NUMB: variants seen among roughly 807,000 people sequenced by gnomAD.
NUMB encodes NUMB endocytic adaptor protein, also known as protein numb homolog.
NUMB carries 29 observed loss-of-function variants against 59.7 expected under a neutral mutation model. The ratio of observed to expected loss-of-function variants is 0.49; its 90% CI spans 0.36 to 0.66. The LOEUF (loss-of-function observed/expected upper bound fraction) is 0.66. Ranked by LOEUF, NUMB falls within the 30% of genes least tolerant of loss-of-function variation. The pLI is 0.00. For missense variants in NUMB, 723 were observed against 822.0 expected (o/e 0.88, Z 1.47); for synonymous variants, 288 against 288.2 (o/e 1.00, Z 0.01).
chr14:73,415,049 C>G (rs1341091775), intron 1 of NUMB, among the ~76,000 whole-genome samples: 2 of 152,178 alleles, frequency 1.3e-5, no homozygotes, highest in Non-Finnish European at 2.9e-5. Flanking sequence ...ACACAAAACA[C>G]AGAATAAGAA....
intron 2 of NUMB, among the ~76,000 whole-genome samples, chr14:73,392,013 TTCCCCA>T (rs761597621): frequency 1.3e-5 from 2 of 152,184 alleles, no homozygotes; most frequent in Non-Finnish European, 2.9e-5. Flanking sequence ...GTCCAAAATC[TTCCCCA>T]GGGTTTTTTG....
chr14:73,427,179 CT>C (rs1897619244), intron 1 of NUMB, among the ~76,000 whole-genome samples: 1 of 152,104 alleles, frequency 6.6e-6, no homozygotes, highest in African/African-American at 2.4e-5. Flanking sequence ...CCAGACACAG[CT>C]TCAAAAACAA....
rs368692985 is a variant in NUMB, at chr14:73,391,689, T to C, written c.-101+18248A>G. On this transcript the variant is annotated intron_variant, in intron 2 of 12. Coordinates refer to ENST00000555238, the MANE Select transcript of NUMB (RefSeq NM_001005743.2). The stretch of plus-strand genomic sequence containing the variant: ...GTAGGTCTGGGATGAGGCCCCAGCA[T>C]TTGCATTACTAACAAGCCCCTAGAT... Among the ~76,000 whole-genome samples, 17 of 152,280 alleles carry C rather than the reference T, an allele frequency of 1.1e-4. No homozygotes were observed. In the South Asian group the frequency reaches 1.9e-3, roughly 17 times the overall value.
At chr14:73,329,467 TTC>T (rs1017306086) in intron 4 of NUMB, among the ~76,000 whole-genome samples, 2 of 152,164 alleles carry the variant, frequency 1.3e-5, no homozygotes, top group African/African-American at 4.8e-5. Context: ...CTCAGTCCTC[TTC>T]TCTCTCTCTT....
intron 8 of NUMB, among the ~76,000 whole-genome samples, chr14:73,290,586 ACTT>A (rs1889324380): frequency 1.3e-5 from 2 of 152,228 alleles, no homozygotes. Flanking sequence ...CATGGCCACT[ACTT>A]ATCTTCCAGA....
At chr14:73,356,812 T>C (rs1331925249) in intron 3 of NUMB, among the ~76,000 whole-genome samples, 1 of 152,006 alleles carries the variant, frequency 6.6e-6, no homozygotes, top group Non-Finnish European at 1.5e-5. Context: ...CCCATCTCAG[T>C]CTCCCAAGTA....
chr14:73,345,559 G>T (rs1459938786), intron 4 of NUMB, among the ~76,000 whole-genome samples: 1 of 152,126 alleles, frequency 6.6e-6, no homozygotes, highest in Non-Finnish European at 1.5e-5. Context: ...AGGATCCCAA[G>T]GAGTTTTTTG....
At chr14:73,293,031 T>A (rs967305807) in intron 7 of NUMB, among the ~76,000 whole-genome samples, 157 bp from the exon 8 acceptor site, 2 of 152,214 alleles carry the variant, frequency 1.3e-5, no homozygotes, top group African/African-American at 4.8e-5. Flanking sequence ...ATACTGAGAA[T>A]TGGACTCAGC....
intron 8 of NUMB, among the ~76,000 whole-genome samples, chr14:73,292,253 T>G (rs1889452331): frequency 6.6e-6 from 1 of 152,168 alleles, no homozygotes; most frequent in Non-Finnish European, 1.5e-5. Context: ...TCTTGCCATG[T>G]AACCCAGGTT....
intron 4 of NUMB, among the ~76,000 whole-genome samples, chr14:73,335,770 C>G (rs1381226911): frequency 6.6e-6 from 1 of 152,154 alleles, no homozygotes. Flanking sequence ...GTCAGCAGTT[C>G]CCAACATTAA....
chr14:73,353,072 G>GTTTTTTTTTTTTTTTTTTTTTTTTTTTTT lies in NUMB; in HGVS notation c.126+2525_126+2553dup, dbSNP rs71112737. Among the ~76,000 whole-genome samples the GTTTTTTTTTTTTTTTTTTTTTTTTTTTTT allele has an allele frequency of 3.2e-4, 19 of 58,520 alleles. 5 individuals carry two copies. The highest frequency in any genetic ancestry group is 6.2e-4 in the South Asian group (1 of 1,602). The allele number at this position is 58,520 out of a possible 152,430, so 38.4% of individuals were successfully genotyped here. A position where few individuals can be genotyped will look rare whatever the true frequency, so the allele number is the denominator to read the frequency against. On this transcript the variant is annotated intron_variant, in intron 4 of 12. Coordinates refer to ENST00000555238, the MANE Select transcript of NUMB (RefSeq NM_001005743.2). ...CTTAATGGATGCCACAGTTTTTCTT[G>GTTTTTTTTTTTTTTTTTTTTTTTTTTTTT]TTTTTTTTTTTTTTTTTTTTTTTTT...
intron 2 of NUMB, among the ~76,000 whole-genome samples, chr14:73,390,118 A>C (rs1340725178): frequency 6.6e-6 from 1 of 152,204 alleles, no homozygotes; most frequent in African/African-American, 2.4e-5. Context: ...TAAGGGCATA[A>C]TATAAGTACA....
chr14:73,358,602 C>CTTTTTTTTTTTTTTTTTTTTTTTTTT (rs35552161), intron 3 of NUMB, among the ~76,000 whole-genome samples: 1 of 118,938 alleles, frequency 8.4e-6, no homozygotes, highest in Non-Finnish European at 1.8e-5. Context: ...GAAAGCTAGA[C>CTTTTTTTTTTTTTTTTTTTTTTTTTT]TTTTTTTTTT....
intron 12 of NUMB, 115 bp downstream of exon 12, chr14:73,279,166 A>G: frequency 2.6e-6 from 3 of 1,171,576 alleles, no homozygotes; most frequent in Non-Finnish European, 3.8e-6. Flanking sequence ...AGGAGGGAAC[A>G]TAGTTTTCCT....
chr14:73,359,577 C>T (rs1894000627), intron 3 of NUMB, among the ~76,000 whole-genome samples: 1 of 152,130 alleles, frequency 6.6e-6, no homozygotes. Flanking sequence ...AGGATGCTAG[C>T]CTACTTTTTA....
chr14:73,453,387 C>T (rs1179239020), intron 1 of NUMB, among the ~76,000 whole-genome samples: 3 of 152,188 alleles, frequency 2.0e-5, no homozygotes, highest in Non-Finnish European at 4.4e-5. Flanking sequence ...CCGCCTCAGC[C>T]TCCCAAAGTG....
chr14:73,351,693 G>A (rs886304017), intron 4 of NUMB, among the ~76,000 whole-genome samples: 3 of 151,720 alleles, frequency 2.0e-5, no homozygotes, highest in Non-Finnish European at 4.4e-5. Flanking sequence ...ATGCTTACAA[G>A]GGGCCAGGCG....
intron 3 of NUMB, among the ~76,000 whole-genome samples, chr14:73,359,686 T>C (rs887163938): frequency 2.0e-5 from 3 of 152,080 alleles, no homozygotes; most frequent in Non-Finnish European, 1.5e-5. Context: ...ATTCCAAGAA[T>C]GGGGAGGTGG....
intron 1 of NUMB, among the ~76,000 whole-genome samples, chr14:73,444,179 CACG>C (rs1370694836): frequency 6.6e-6 from 1 of 152,138 alleles, no homozygotes; most frequent in Non-Finnish European, 1.5e-5. Flanking sequence ...GCTGGTGGAT[CACG>C]ACATCAGGAG....
Sources: gnomAD v4.1 joint callset for allele counts (sites outside exome capture counted in the v4.1 genomes callset) on GRCh38, gnomAD v4.1.1 for gene constraint, MANE v1.5 for transcripts, NCBI Gene and HGNC (gene_info 2026-07-23, HGNC 2026-07-21) for gene names.